The following FIGLA variants were observed in gnomAD, a reference collection of about 807,000 sequenced individuals.
FIGLA encodes factor in the germline alpha.
A neutral mutation model predicts 21.5 loss-of-function variants in FIGLA; 17 were observed. The observed-to-expected ratio is 0.79, with a 90% confidence interval of 0.54 to 1.19. FIGLA has a LOEUF of 1.19. Among genes scored for constraint, FIGLA ranks in the 50% most tolerant of loss-of-function variants. FIGLA has a pLI of 0.00. For missense variants in FIGLA, 282 were observed against 285.0 expected (o/e 0.99, Z 0.08); for synonymous variants, 129 against 117.6 (o/e 1.10, Z -0.63).
At chr2:70,778,381 G>A (rs1180762547) in intron 3 of FIGLA, among the ~76,000 whole-genome samples, 2 of 152,134 alleles carry the variant, frequency 1.3e-5, no homozygotes, top group Non-Finnish European at 2.9e-5. Flanking sequence ...CACAAAATAT[G>A]TATGAGTAGC....
At chr2:70,780,807 G>A (rs1302057653) in intron 3 of FIGLA, among the ~76,000 whole-genome samples, 2 of 152,178 alleles carry the variant, frequency 1.3e-5, no homozygotes, top group Non-Finnish European at 2.9e-5. Flanking sequence ...CCCAAGTGAA[G>A]TGGTATCAGA....
intron 3 of FIGLA, among the ~76,000 whole-genome samples, chr2:70,782,938 G>A (rs1675882228): frequency 6.6e-6 from 1 of 151,700 alleles, no homozygotes; most frequent in Non-Finnish European, 1.5e-5. Context: ...GTGGTGGTGT[G>A]AGCCAGCTAC....
chr2:70,783,631 A>G (rs921172843), intron 3 of FIGLA, among the ~76,000 whole-genome samples: 1 of 152,024 alleles, frequency 6.6e-6, no homozygotes, highest in Non-Finnish European at 1.5e-5. Context: ...TAAGATTTTC[A>G]CCTTGATACT....
Position 70,790,547 on chromosome 2 carries a change from C to G in FIGLA, c.92G>C (p.Arg31Pro). 1 of 1,533,094 alleles carries G rather than the reference C, an allele frequency of 6.5e-7. No individual in the cohort carries two copies. The highest frequency in any genetic ancestry group is 8.7e-7 in the Non-Finnish European group (1 of 1,144,672). 95.0% of individuals were successfully genotyped at this position (1,533,094 alleles called of 1,614,324 possible). The change falls in exon 1 of 5, where the codon CGG becomes CCG. Residue 31 changes from arginine to proline, a missense_variant. By Grantham distance (103) the Arg-to-Pro change is moderately radical. Coordinates refer to ENST00000332372, the MANE Select transcript of FIGLA (RefSeq NM_001004311.3). ...CTGGGGCAGCGGCCCGAACTGCTCC[C>G]GCAACACGTCCTCCAGCACCTCGGC... is the stretch of plus-strand genomic sequence containing the variant. ...PQAEVLEDVL[R>P]EQFGPLPQLA...
At chr2:70,785,678 C>T (rs1036119732) in intron 2 of FIGLA, 39 bp from the exon 3 acceptor site, 2 of 1,500,142 alleles carry the variant, frequency 1.3e-6, no homozygotes, top group Non-Finnish European at 1.9e-6. Flanking sequence ...TATAATATGA[C>T]AGAAAGATTT....
intron 1 of FIGLA, among the ~76,000 whole-genome samples, chr2:70,789,513 T>G (rs140521337): frequency 7.6e-4 from 116 of 152,262 alleles, no homozygotes; most frequent in African/African-American, 2.7e-3. Flanking sequence ...TCTCCTGTCG[T>G]CCTTTCTGCG....
Position 70,787,429 on chromosome 2 carries a change from A to G in FIGLA, c.384+220T>C, listed in dbSNP as rs147658354. Among the ~76,000 whole-genome samples the G allele has an allele frequency of 4.6e-5, 7 of 152,340 alleles. No individual in the cohort carries two copies. The East Asian group carries it at 1.3e-3, about 29-fold the overall frequency. The stretch of plus-strand genomic sequence containing the variant: ...GGTCAGGGACTCAACTCTAAAGCTC[A>G]TGTAGCTCTGGGTTCAAATCCCAGT... On this transcript the variant is annotated intron_variant, in intron 2 of 4. Transcript: ENST00000332372.
At chr2:70,788,548 G>A (rs1553390373) in intron 1 of FIGLA, among the ~76,000 whole-genome samples, 1 of 152,120 alleles carries the variant, frequency 6.6e-6, no homozygotes, top group Non-Finnish European at 1.5e-5. Flanking sequence ...CAGGCCTTGG[G>A]AGAACTGGCT....
intron 3 of FIGLA, 61 bp downstream of exon 3, chr2:70,785,354 C>A: frequency 1.5e-6 from 2 of 1,329,470 alleles, no homozygotes; most frequent in Non-Finnish European, 2.1e-6. Flanking sequence ...TGACTCATAT[C>A]TCAAAGTATA....
At position 70,790,337 on chromosome 2, in the gene FIGLA, G is replaced by A. The variant is rs77007852; in HGVS notation, c.231+71C>T. 1,802 of 1,412,886 alleles carry A rather than the reference G, an allele frequency of 1.3e-3. 21 individuals are homozygous for A. In the African/African-American group the frequency reaches 0.023, roughly 18 times the overall value. 87.5% of individuals were successfully genotyped at this position (1,412,886 alleles called of 1,614,324 possible). A position where few individuals can be genotyped will look rare whatever the true frequency, so the allele number is the denominator to read the frequency against. On this transcript the variant is annotated intron_variant, in intron 1 of 4. Coordinates refer to ENST00000332372, the MANE Select transcript of FIGLA (RefSeq NM_001004311.3). ...GGGGGTGGGCGGTGAGCGGACCCCC[G>A]GGTGTTGACCAGGTGTTTGGTGGTA... is the stretch of plus-strand genomic sequence containing the variant.
chr2:70,789,670 T>G (rs1367257883), intron 1 of FIGLA, among the ~76,000 whole-genome samples: 1 of 152,158 alleles, frequency 6.6e-6, no homozygotes, highest in African/African-American at 2.4e-5. Context: ...TTCTCTCTCC[T>G]GGATTCGCCT....
chr2:70,777,663 G>C lies in FIGLA; in HGVS notation c.618C>G (p.Phe206Leu). Residue 206 changes from phenylalanine (F) to leucine (L), a missense_variant, in exon 4 of 5, where the codon TTC (phenylalanine) becomes TTG (leucine). Transcript: ENST00000332372. The part of the protein sequence containing the change: ...IISPTRSLDR[F>L]PEVELLSHRL... The stretch of plus-strand genomic sequence containing the variant: ...TGTGACTCAGCAGTTCTACTTCTGG[G>C]AATCTATCCTGCAAAAACAATACAA... The C allele has an allele frequency of 1.3e-6, 2 of 1,497,212 alleles. No individual in the cohort carries two copies. 92.7% of individuals were successfully genotyped at this position (1,497,212 alleles called of 1,614,324 possible). A position where few individuals can be genotyped will look rare whatever the true frequency, so the allele number is the denominator to read the frequency against.
At chr2:70,779,499 C>T (rs1293790478) in intron 3 of FIGLA, among the ~76,000 whole-genome samples, 1 of 152,086 alleles carries the variant, frequency 6.6e-6, no homozygotes, top group Non-Finnish European at 1.5e-5. Flanking sequence ...CTAGCCAAAC[C>T]GTCTCATTTC....
At chr2:70,784,131 T>G (rs368386557) in intron 3 of FIGLA, among the ~76,000 whole-genome samples, 6 of 152,140 alleles carry the variant, frequency 3.9e-5, no homozygotes, top group African/African-American at 1.4e-4. Flanking sequence ...ACTGAGCATA[T>G]GCACAAATGA....
At chr2:70,777,545 C>T in intron 4 of FIGLA, 92 bp downstream of exon 4, 1 of 1,533,836 alleles carries the variant, frequency 6.5e-7, no homozygotes, top group South Asian at 1.2e-5. Flanking sequence ...TAATAGAGCT[C>T]ATTGCTAAGA....
intron 3 of FIGLA, among the ~76,000 whole-genome samples, chr2:70,783,700 ATT>A (rs140083581): frequency 9.2e-5 from 13 of 141,614 alleles, no homozygotes; most frequent in Non-Finnish European, 1.2e-4. Context: ...AGCTCAGGTC[ATT>A]TTTTTTTTTT....
chr2:70,778,742 T>G (rs1377612321), intron 3 of FIGLA, among the ~76,000 whole-genome samples: 3 of 152,212 alleles, frequency 2.0e-5, no homozygotes, highest in Non-Finnish European at 4.4e-5. Context: ...AATTGGCTGT[T>G]GGTCTCATCT....
In FIGLA at chr2:70,781,828, C is replaced by T. The variant is rs184320131; in HGVS notation, c.609+3587G>A. Among the ~76,000 whole-genome samples the T allele has an allele frequency of 2.0e-4, 31 of 152,188 alleles. No homozygotes were observed. In the East Asian group the frequency reaches 5.6e-3, roughly 28 times the overall value. ...TGTAGGTGTGACCATAAAGGGGCAG[C>T]GTGAAGATCTTTGTGGTGATGGAAC... On this transcript the variant is annotated intron_variant, in intron 3 of 4. Transcript: ENST00000332372.
At chr2:70,787,518 G>T in intron 2 of FIGLA, 131 bp downstream of exon 2, 1 of 959,346 alleles carries the variant, frequency 1.0e-6, no homozygotes, top group Non-Finnish European at 1.5e-6. Context: ...TCAAATAAGG[G>T]TCATAAAAAT....
Sources: gnomAD v4.1 joint callset for allele counts (sites outside exome capture counted in the v4.1 genomes callset) on GRCh38, gnomAD v4.1.1 for gene constraint, MANE v1.5 for transcripts, NCBI Gene and HGNC (gene_info 2026-07-23, HGNC 2026-07-21) for gene names.